SOX6: variants seen among roughly 807,000 people sequenced by gnomAD.
SOX6 encodes the protein transcription factor SOX-6.
A neutral mutation model predicts 97.8 loss-of-function variants in SOX6; 11 were observed. That is an observed-to-expected ratio of 0.11 (90% CI 0.07 to 0.19). The LOEUF (loss-of-function observed/expected upper bound fraction) is 0.19. SOX6 is among the 10% of genes least tolerant of loss of function. The pLI is 1.00. For synonymous variants in SOX6, 360 were observed against 371.4 expected, an observed-to-expected ratio of 0.97 and a Z score of 0.35; for missense variants, 810 against 1,039.5, an observed-to-expected ratio of 0.78 and a Z score of 3.04.
intron 4 of SOX6, among the ~76,000 whole-genome samples, chr11:16,493,805 T>C (rs1860550932): frequency 6.6e-6 from 1 of 152,198 alleles, no homozygotes; most frequent in Admixed American, 6.5e-5. Flanking sequence ...TCAAACATTA[T>C]TGTTAGGAGT....
intron 4 of SOX6, among the ~76,000 whole-genome samples, chr11:16,227,962 C>A (rs183256399): frequency 6.6e-6 from 1 of 152,092 alleles, no homozygotes; most frequent in East Asian, 1.9e-4. Context: ...CTTTGGGAGG[C>A]CAAGGCAGGC....
chr11:16,446,232 G>A (rs1859608348), intron 1 of SOX6, among the ~76,000 whole-genome samples: 1 of 151,922 alleles, frequency 6.6e-6, no homozygotes, highest in Non-Finnish European at 1.5e-5. Context: ...TGACAAGATG[G>A]AGGAGAGAAG....
At chr11:16,454,808 C>CACACCT (rs1185210089) in intron 1 of SOX6, among the ~76,000 whole-genome samples, 1 of 152,074 alleles carries the variant, frequency 6.6e-6, no homozygotes, top group Non-Finnish European at 1.5e-5. Context: ...ATAAGGAAGA[C>CACACCT]ACACCTACAA....
At chr11:16,713,189 T>C (rs1197010777) in intron 3 of SOX6, among the ~76,000 whole-genome samples, 1 of 152,228 alleles carries the variant, frequency 6.6e-6, no homozygotes. Flanking sequence ...TAAGAAATTT[T>C]CTGCAAGTAT....
At chr11:16,066,024 G>A (rs909723256) in intron 9 of SOX6, among the ~76,000 whole-genome samples, 2 of 152,078 alleles carry the variant, frequency 1.3e-5, no homozygotes, top group Non-Finnish European at 2.9e-5. Flanking sequence ...TCTGACAGGG[G>A]ATTTATAACT....
At chr11:16,297,414 G>A (rs565463215) in intron 3 of SOX6, among the ~76,000 whole-genome samples, 1 of 152,262 alleles carries the variant, frequency 6.6e-6, no homozygotes, top group Admixed American at 6.5e-5. Context: ...CAGTCAGCAA[G>A]TGGTCAAAAC....
intron 6 of SOX6, among the ~76,000 whole-genome samples, chr11:16,177,125 A>G (rs1174364353): frequency 1.3e-5 from 2 of 151,970 alleles, no homozygotes; most frequent in African/African-American, 2.4e-5. Context: ...ACTTCATAGA[A>G]AGGACATTTT....
chr11:15,990,068 C>T (rs1455887889), intron 13 of SOX6, among the ~76,000 whole-genome samples: 1 of 152,026 alleles, frequency 6.6e-6, no homozygotes, highest in Non-Finnish European at 1.5e-5. Context: ...AAAGGAACAG[C>T]ACTTGCAGTG....
chr11:15,999,616 T>C (rs1854338845), intron 13 of SOX6, among the ~76,000 whole-genome samples: 1 of 152,138 alleles, frequency 6.6e-6, no homozygotes, highest in African/African-American at 2.4e-5. Context: ...TGAAAGGTTC[T>C]TTTTTCTGTG....
intron 2 of SOX6, among the ~76,000 whole-genome samples, chr11:16,735,250 A>G (rs1848382967): frequency 6.6e-6 from 1 of 152,204 alleles, no homozygotes; most frequent in Non-Finnish European, 1.5e-5. Flanking sequence ...AGCCTATAGA[A>G]TTTTGTCTCA....
At chr11:16,125,878 A>AAGGAAG (rs1849599005) in intron 6 of SOX6, among the ~76,000 whole-genome samples, 1 of 103,592 alleles carries the variant, frequency 9.7e-6, no homozygotes, top group African/African-American at 3.4e-5. Flanking sequence ...AAGGAAGGAA[A>AAGGAAG]GTTTATTTGA....
chr11:16,435,971 T>C (rs1859368643), intron 1 of SOX6, among the ~76,000 whole-genome samples: 1 of 152,104 alleles, frequency 6.6e-6, no homozygotes. Flanking sequence ...TAGAAAGTGT[T>C]CTATCCCTCT....
At chr11:16,210,556 G>T (rs1316085611) in intron 4 of SOX6, among the ~76,000 whole-genome samples, 9 of 152,240 alleles carry the variant, frequency 5.9e-5, no homozygotes, top group Admixed American at 4.6e-4. Context: ...TTCTAAAATT[G>T]ATGGTGGCAG....
intron 3 of SOX6, among the ~76,000 whole-genome samples, chr11:16,628,394 TG>T (rs1032317479): frequency 4.9e-4 from 75 of 151,972 alleles, no homozygotes; most frequent in African/African-American, 1.6e-3. Context: ...GAGGCCGAGG[TG>T]GGTGGATCAC....
chr11:16,200,831 C>A (rs544741738), intron 4 of SOX6, among the ~76,000 whole-genome samples: 1 of 152,030 alleles, frequency 6.6e-6, no homozygotes, highest in Non-Finnish European at 1.5e-5. Flanking sequence ...ACAGGCTGGG[C>A]GCGATGGCTC....
At chr11:16,203,164 C>T (rs1258876638) in intron 4 of SOX6, among the ~76,000 whole-genome samples, 2 of 152,040 alleles carry the variant, frequency 1.3e-5, no homozygotes, top group Non-Finnish European at 2.9e-5. Flanking sequence ...TCACTACAAC[C>T]CAATGTAACT....
chr11:16,130,305 T>C (rs1197935184), intron 6 of SOX6, among the ~76,000 whole-genome samples: 1 of 152,002 alleles, frequency 6.6e-6, no homozygotes, highest in Non-Finnish European at 1.5e-5. Flanking sequence ...AATATTGTAT[T>C]GTACACTGAA....
rs531934378 is a variant in SOX6, at chr11:16,105,738, G to C, written c.898+6065C>G. Among the ~76,000 whole-genome samples the C allele has an allele frequency of 2.1e-3, 321 of 152,142 alleles. 1 individual carries two copies. The highest frequency in any genetic ancestry group is 7.4e-3 in the African/African-American group (306 of 41,546). On this transcript the variant is annotated intron_variant, in intron 7 of 15. Coordinates refer to ENST00000683767, the MANE Select transcript of SOX6 (RefSeq NM_001367873.1). ...ATTAGACAAGAAAAAGAAATAAAATGTATCAAATTGGTAAGGGAGAGGTAA... is the reference window on the plus strand; with the variant it reads ...ATTAGACAAGAAAAAGAAATAAAATCTATCAAATTGGTAAGGGAGAGGTAA...
intron 1 of SOX6, among the ~76,000 whole-genome samples, chr11:16,410,984 GA>G (rs201866562): frequency 1.4e-3 from 186 of 130,028 alleles, no homozygotes; most frequent in Non-Finnish European, 1.6e-3. Flanking sequence ...GTGAGTGACT[GA>G]AAAAAAAAAA....
Sources: allele counts gnomAD v4.1 joint callset (sites outside exome capture counted in the v4.1 genomes callset), GRCh38; gene constraint gnomAD v4.1.1; transcripts MANE v1.5; gene names NCBI Gene and HGNC (gene_info 2026-07-23, HGNC 2026-07-21).